Variants in RBKS observed in about 807,000 individuals in gnomAD.
The protein encoded by RBKS is ribokinase.
A neutral mutation model predicts 33.9 loss-of-function variants in RBKS; 33 were observed. The ratio of observed to expected loss-of-function variants is 0.97; its 90% CI spans 0.74 to 1.30. The LOEUF (loss-of-function observed/expected upper bound fraction) is 1.30, where lower values mean the gene tolerates loss of function less well. Among genes scored for constraint, RBKS ranks in the 50% most tolerant of loss-of-function variants. The pLI, the probability that RBKS is intolerant of heterozygous loss-of-function variation, is 0.00. For synonymous variants in RBKS, 125 were observed against 143.0 expected, an observed-to-expected ratio of 0.87 and a Z score of 0.90; for missense variants, 361 against 392.6, an observed-to-expected ratio of 0.92 and a Z score of 0.68.
intron 4 of RBKS, among the ~76,000 whole-genome samples, chr2:27,844,125 TGGTATGTGCCTGCAGTCGCA>T (rs1178346392): frequency 6.6e-6 from 1 of 151,878 alleles, no homozygotes; most frequent in East Asian, 1.9e-4. Context: ...CTGGGCGTGG[TGGTATGTGCCTGCAGTCGCA>T]GCTACTTAGG....
intron 7 of RBKS, among the ~76,000 whole-genome samples, chr2:27,815,538 C>T (rs992173151): frequency 6.6e-6 from 1 of 152,092 alleles, no homozygotes; most frequent in Non-Finnish European, 1.5e-5. Flanking sequence ...TCAGGTCTAC[C>T]CTAGAAACAT....
chr2:27,819,417 G>A (rs1257282790), intron 7 of RBKS, among the ~76,000 whole-genome samples: 1 of 152,132 alleles, frequency 6.6e-6, no homozygotes, highest in Non-Finnish European at 1.5e-5. Context: ...GGGGGTTAAG[G>A]CTTCAACATA....
In RBKS at chr2:27,848,116, G is replaced by A; in HGVS notation, c.223-19C>T. Reference sequence around the variant, plus strand: ...TGCCAACCTGTACCAAAGAAATAATGAATATTAGATCTTTTAGAGTTAGTA... The same window carrying A: ...TGCCAACCTGTACCAAAGAAATAATAAATATTAGATCTTTTAGAGTTAGTA... On this transcript the variant is annotated intron_variant, in intron 2 of 7. Coordinates refer to ENST00000302188, the MANE Select transcript of RBKS (RefSeq NM_022128.3). 1.5e-6 allele frequency: 2 copies of A among 1,347,328 alleles called. No individual in the cohort carries two copies. Among genetic ancestry groups the A allele is most frequent in the Non-Finnish European group, 2.1e-6 (2 of 955,746 alleles). 83.5% of individuals were successfully genotyped at this position (1,347,328 alleles called of 1,614,324 possible).
At chr2:27,821,153 G>C (rs1384292461) in intron 7 of RBKS, among the ~76,000 whole-genome samples, 1 of 151,116 alleles carries the variant, frequency 6.6e-6, no homozygotes, top group African/African-American at 2.4e-5. Context: ...TTTGTTTTGT[G>C]ATCTATTTGG....
intron 1 of RBKS, 63 bp from the exon 2 acceptor site, chr2:27,858,634 T>C (rs1663909377): frequency 3.4e-6 from 5 of 1,474,590 alleles, no homozygotes; most frequent in Non-Finnish European, 4.7e-6. Context: ...TTAAGTTCTT[T>C]AGAAGAGAGG....
chr2:27,873,226 T>C (rs1057510948), intron 1 of RBKS, among the ~76,000 whole-genome samples: 1 of 152,154 alleles, frequency 6.6e-6, no homozygotes, highest in Non-Finnish European at 1.5e-5. Flanking sequence ...ACCAGTTAAA[T>C]AATGCAGTTT....
At chr2:27,872,115 C>T (rs1558556560) in intron 1 of RBKS, among the ~76,000 whole-genome samples, 2 of 152,188 alleles carry the variant, frequency 1.3e-5, no homozygotes, top group Non-Finnish European at 2.9e-5. Flanking sequence ...CACTTGCCTG[C>T]CACTCACCTC....
intron 7 of RBKS, among the ~76,000 whole-genome samples, chr2:27,801,992 ATTTTTTTTTTT>A (rs1179237576): frequency 2.3e-5 from 1 of 42,696 alleles, no homozygotes; most frequent in African/African-American, 1.3e-4. Flanking sequence ...ATATATATAT[ATTTTTTTTTTT>A]TTTTTTTTTT....
intron 7 of RBKS, among the ~76,000 whole-genome samples, chr2:27,815,053 A>G (rs1161190822): frequency 1.3e-5 from 2 of 152,188 alleles, no homozygotes; most frequent in African/African-American, 4.8e-5. Context: ...ACACACATGC[A>G]CACACTTTTA....
At chr2:27,878,188 C>T (rs931839594) in intron 1 of RBKS, among the ~76,000 whole-genome samples, 1 of 150,554 alleles carries the variant, frequency 6.6e-6, no homozygotes, top group Non-Finnish European at 1.5e-5. Flanking sequence ...CCCCTGCCCC[C>T]ACCCCACAAC....
chr2:27,869,960 C>T (rs916640712), intron 1 of RBKS: 1 of 152,294 alleles, frequency 6.6e-6, no homozygotes, highest in South Asian at 2.1e-4. Context: ...GCTGTTTCAA[C>T]ATACTTTTAA....
intron 1 of RBKS, among the ~76,000 whole-genome samples, chr2:27,889,224 C>G (rs953182485): frequency 6.6e-6 from 1 of 152,152 alleles, no homozygotes; most frequent in South Asian, 2.1e-4. Flanking sequence ...GACCTATTTT[C>G]TGAGTAGAAT....
intron 1 of RBKS, among the ~76,000 whole-genome samples, chr2:27,885,762 A>G (rs1005712231): frequency 6.6e-6 from 1 of 152,248 alleles, no homozygotes; most frequent in Admixed American, 6.5e-5. Flanking sequence ...ACTAGAATGT[A>G]AACTTCATGA....
At chr2:27,811,572 C>T (rs1247098991) in intron 7 of RBKS, among the ~76,000 whole-genome samples, 1 of 152,146 alleles carries the variant, frequency 6.6e-6, no homozygotes, top group Non-Finnish European at 1.5e-5. Context: ...GTGATCACTG[C>T]CTGTGAAGAA....
intron 7 of RBKS, among the ~76,000 whole-genome samples, chr2:27,820,255 T>A (rs1010672333): frequency 4.6e-5 from 7 of 152,156 alleles, no homozygotes; most frequent in African/African-American, 1.4e-4. Flanking sequence ...GAAGTCCCCC[T>A]TTATAACACC....
chr2:27,878,098 G>A (rs1435524109), intron 1 of RBKS, among the ~76,000 whole-genome samples: 3 of 151,372 alleles, frequency 2.0e-5, no homozygotes, highest in Non-Finnish European at 4.4e-5. Flanking sequence ...AGTTACATAT[G>A]TATACATGTG....
chr2:27,858,288 G>T, intron 2 of RBKS, 151 bp downstream of exon 2: 1 of 625,360 alleles, frequency 1.6e-6, no homozygotes, highest in Non-Finnish European at 2.6e-6. Context: ...CAAGACAGAA[G>T]TGGTGGTTGA....
At chr2:27,853,983 A>G (rs568568458) in intron 2 of RBKS, among the ~76,000 whole-genome samples, 18 of 152,324 alleles carry the variant, frequency 1.2e-4, no homozygotes, top group Non-Finnish European at 2.6e-4. Flanking sequence ...GAAAATCTCA[A>G]TGCATGATCA....
intron 1 of RBKS, among the ~76,000 whole-genome samples, chr2:27,869,515 G>A (rs904365064): frequency 3.3e-5 from 5 of 152,186 alleles, no homozygotes; most frequent in Admixed American, 1.3e-4. Context: ...GTGCTCTACA[G>A]CAGTGGTCCC....
Sources: allele counts gnomAD v4.1 joint callset (sites outside exome capture counted in the v4.1 genomes callset), GRCh38; gene constraint gnomAD v4.1.1; transcripts MANE v1.5; gene names NCBI Gene and HGNC (gene_info 2026-07-23, HGNC 2026-07-21).